KANTR: variants seen among roughly 807,000 people sequenced by gnomAD.
The protein encoded by KANTR is KANTR integral membrane protein.
chrX:53,112,483 A>C (rs1417702767), intron 2 of KANTR, among the ~76,000 whole-genome samples: 2 of 111,777 alleles, frequency 1.8e-5, no homozygotes, highest in Non-Finnish European at 3.8e-5. Context: ...CTCCATTTCT[A>C]AAGGGCAGCT....
intron 2 of KANTR, among the ~76,000 whole-genome samples, chrX:53,136,725 TATATATTTTG>T (rs1212649008): frequency 6.1e-5 from 3 of 49,571 alleles, no homozygotes; most frequent in African/African-American, 1.1e-4. Context: ...TATATATATA[TATATATTTTG>T]TTTGTTTGTT....
chrX:53,117,527 G>T (rs1933144284), intron 2 of KANTR, among the ~76,000 whole-genome samples: 1 of 108,284 alleles, frequency 9.2e-6, no homozygotes, highest in Non-Finnish European at 1.9e-5. Flanking sequence ...TATTTGTGGG[G>T]ATGCTTAACC....
intron 2 of KANTR, among the ~76,000 whole-genome samples, chrX:53,133,841 C>A (rs1432201547): frequency 9.0e-6 from 1 of 111,324 alleles, no homozygotes; most frequent in African/African-American, 3.3e-5. Context: ...TTTTCCTGGC[C>A]TCATTTATAA....
intron 2 of KANTR, among the ~76,000 whole-genome samples, chrX:53,111,898 G>A (rs1556813832): frequency 8.9e-6 from 1 of 112,164 alleles, no homozygotes; most frequent in Non-Finnish European, 1.9e-5. Context: ...GACAGATCTG[G>A]TGGCAATGAA....
Position 53,115,445 on chromosome X carries a change from T to TGGCCC in KANTR, c.-804-8023_-804-8019dup, listed in dbSNP as rs1933109090. On this transcript the variant is annotated intron_variant, in intron 2 of 2. Coordinates refer to ENST00000604062, the Ensembl canonical transcript of KANTR. ...GGACCCACGGCCACCTGGGCTGGCC[T>TGGCCC]GGCCCTGGAACAAGCCTGGTACCTG... Among the ~76,000 whole-genome samples the TGGCCC allele has an allele frequency of 4.5e-5, 5 of 112,068 alleles. No individual in the cohort carries two copies. The Admixed American group carries it at 4.7e-4, about 10-fold the overall frequency.
chrX:53,144,416 C>A (rs1398409221), downstream of KANTR, among the ~76,000 whole-genome samples: 1 of 111,844 alleles, frequency 8.9e-6, no homozygotes, highest in Non-Finnish European at 1.9e-5. Context: ...TCTGTCTAGG[C>A]TGGGCATGGT....
At chrX:53,133,676 T>C (rs1323258814) in intron 2 of KANTR, among the ~76,000 whole-genome samples, 2 of 111,689 alleles carry the variant, frequency 1.8e-5, no homozygotes, top group Non-Finnish European at 3.8e-5. Context: ...TGTGATCTAC[T>C]ATTGAGGGTG....
At chrX:53,129,268 T>TGTGTGTGTG (rs1569239787), downstream of KANTR, among the ~76,000 whole-genome samples, 13 of 106,410 alleles carry the variant, frequency 1.2e-4, no homozygotes, top group Non-Finnish European at 1.9e-4. Context: ...TGTGTGTGTG[T>TGTGTGTGTG]TTAGTAGAGA....
chrX:53,138,314 C>T (rs781932292), intron 2 of KANTR, among the ~76,000 whole-genome samples: 3 of 108,165 alleles, frequency 2.8e-5, no homozygotes, highest in African/African-American at 1.0e-4. Flanking sequence ...GTGATCCGCC[C>T]GCCTCAGCCT....
chrX:53,132,627 G>A (rs782001723), intron 2 of KANTR, among the ~76,000 whole-genome samples: 4 of 111,706 alleles, frequency 3.6e-5, no homozygotes, highest in South Asian at 3.8e-4. Flanking sequence ...GACTTTGGCC[G>A]CCATCCCAGA....
At chrX:53,104,817 G>A (rs1288299878) in intron 2 of KANTR, among the ~76,000 whole-genome samples, 3 of 110,778 alleles carry the variant, frequency 2.7e-5, no homozygotes, top group Non-Finnish European at 3.8e-5. Context: ...CTTTCATGTT[G>A]GCCAATATGA....
downstream of KANTR, among the ~76,000 whole-genome samples, chrX:53,129,098 C>T: frequency 1.1e-5 from 1 of 89,865 alleles, no homozygotes; most frequent in Non-Finnish European, 2.1e-5. Flanking sequence ...GATGGAGTCT[C>T]ACTCTGTCAC....
At chrX:53,143,695 T>C, downstream of KANTR, 1 of 679,414 alleles carries the variant, frequency 1.5e-6, no homozygotes, top group Admixed American at 2.2e-5. Flanking sequence ...GATGATGCCA[T>C]GCTCGATAGG....
chrX:53,095,441 C>T (rs1932839183), intron 1 of KANTR, among the ~76,000 whole-genome samples: 1 of 109,709 alleles, frequency 9.1e-6, no homozygotes, highest in African/African-American at 3.3e-5. Flanking sequence ...TTGGACCCAA[C>T]ATTGCTTTTT....
intron 2 of KANTR, among the ~76,000 whole-genome samples, chrX:53,122,801 T>C (rs1933244274): frequency 1.8e-5 from 2 of 112,228 alleles, no homozygotes; most frequent in South Asian, 7.3e-4. Flanking sequence ...AACTTGGTCA[T>C]GGTCTTTCAT....
At chrX:53,097,357 T>TTTTTTG (rs1932853116) in intron 1 of KANTR, among the ~76,000 whole-genome samples, 2 of 82,088 alleles carry the variant, frequency 2.4e-5, no homozygotes, top group East Asian at 3.8e-4. Context: ...TAAGTTTTTT[T>TTTTTTG]TTTTTTTTTT....
chrX:53,127,818 G>A (rs782011650), downstream of KANTR, among the ~76,000 whole-genome samples: 5 of 111,148 alleles, frequency 4.5e-5, no homozygotes, highest in Admixed American at 3.8e-4. Flanking sequence ...TCTCTTGCAC[G>A]GTGAGGAACT....
intron 2 of KANTR, among the ~76,000 whole-genome samples, chrX:53,103,852 C>T (rs1380780995): frequency 1.8e-5 from 2 of 111,513 alleles, no homozygotes; most frequent in Middle Eastern, 4.2e-3. Context: ...CTCCTACTGT[C>T]GTCAAAATCC....
At chrX:53,104,429 G>T (rs1932922610) in intron 2 of KANTR, among the ~76,000 whole-genome samples, 1 of 109,505 alleles carries the variant, frequency 9.1e-6, no homozygotes, top group Non-Finnish European at 1.9e-5. Context: ...GTTTTGCCAT[G>T]TTGGCCAGGG....
Sources: gnomAD v4.1 joint callset for allele counts (sites outside exome capture counted in the v4.1 genomes callset) on GRCh38, gnomAD v4.1.1 for gene constraint, MANE v1.5 for transcripts, NCBI Gene and HGNC (gene_info 2026-07-23, HGNC 2026-07-21) for gene names.